EYA3: variants seen among roughly 807,000 people sequenced by gnomAD.
EYA3 encodes protein phosphatase EYA3.
EYA3 carries 39 observed loss-of-function variants against 80.0 expected under a neutral mutation model. The observed-to-expected ratio is 0.49, with a 90% CI of 0.38 to 0.64. EYA3 has a LOEUF of 0.64. Among genes scored for constraint, EYA3 ranks in the 30% least tolerant of loss-of-function variants. EYA3 has a pLI of 0.00. For synonymous variants in EYA3, 206 were observed against 232.8 expected, an observed-to-expected ratio of 0.88 and a Z score of 1.05; for missense variants, 523 against 676.1, an observed-to-expected ratio of 0.77 and a Z score of 2.51.
chr1:28,050,746 C>A (rs185881702), intron 2 of EYA3, among the ~76,000 whole-genome samples: 28 of 152,010 alleles, frequency 1.8e-4, no homozygotes, highest in African/African-American at 5.8e-4. Flanking sequence ...AATTATGCCC[C>A]CCTCTAAGGC....
Position 28,009,528 on chromosome 1 carries a change from T to C in EYA3, c.909+1419A>G, listed in dbSNP as rs576236761. On this transcript the variant is annotated intron_variant, in intron 10 of 17. Coordinates refer to ENST00000373871, the MANE Select transcript of EYA3 (RefSeq NM_001990.4). This position sits in a 1 kb window ranked among gnomAD's most constrained non-coding sequence, Gnocchi z 4.8. Reference sequence around the variant, plus strand: ...AGCCAGGCATGGTGGTGTGCACCTATAATCCCAGCTACTCTGGAGGCTGAG... The same window carrying C: ...AGCCAGGCATGGTGGTGTGCACCTACAATCCCAGCTACTCTGGAGGCTGAG... Among the ~76,000 whole-genome samples, 1 of 152,186 alleles carries C rather than the reference T, an allele frequency of 6.6e-6. No individual in the cohort carries two copies. The highest frequency in any genetic ancestry group is 2.1e-4 in the South Asian group (1 of 4,816).
chr1:28,065,940 C>A (rs1644821318), intron 1 of EYA3, among the ~76,000 whole-genome samples: 1 of 151,178 alleles, frequency 6.6e-6, no homozygotes, highest in African/African-American at 2.4e-5. Flanking sequence ...ACCCGGGAGG[C>A]GGAGGTTGCA....
At chr1:28,073,127 A>ATATATATTTTTTT (rs1553157671) in intron 1 of EYA3, among the ~76,000 whole-genome samples, 1 of 15,002 alleles carries the variant, frequency 6.7e-5, no homozygotes, top group Non-Finnish European at 1.1e-4. Context: ...ATATATATAT[A>ATATATATTTTTTT]TTTTTTTTTT....
Position 28,013,133 on chromosome 1 carries a change from AG to A in EYA3, c.746del (p.Pro249LeufsTer34). 6.2e-7 allele frequency: 1 copy of A among 1,613,440 alleles called. No homozygotes were observed. Among genetic ancestry groups the A allele is most frequent in the Non-Finnish European group, 8.5e-7 (1 of 1,179,838 alleles). ...SEKPSVMAPAPAAQRLSSGDP... is the reference protein window; with the variant it reads ...SEKPSVMAPAXAAQRLSSGDP... ...TACCAGAGGAAAGTCTCTGTGCTGC[AG>A]GTGCAGGCGCCATGACACTAGGCTT... On this transcript the variant is annotated frameshift_variant, in exon 9 of 18. Transcript: ENST00000373871. LOFTEE classifies it high-confidence loss of function. The surrounding 1 kb of genome is among the most constrained non-coding windows in gnomAD (Gnocchi z 4.0).
chr1:27,970,720 A>C lies in EYA3; in HGVS notation c.*3746T>G, dbSNP rs767000077. 7.2e-5 allele frequency: 11 copies of C among 152,192 alleles called. No individual in the cohort carries two copies. Among genetic ancestry groups the C allele is most frequent in the East Asian group, 1.9e-4 (1 of 5,200 alleles). The allele number at this position is 152,192 out of a possible 1,614,324, so 9.4% of individuals were successfully genotyped here. ...TCGGAATTCAGATCCTATAGTGTGA[A>C]TATCTGGGGAGTTCTAACTTCTGGA... is the stretch of plus-strand genomic sequence containing the variant. On this transcript the variant is annotated 3_prime_UTR_variant, in exon 18 of 18. Coordinates refer to ENST00000373871, the MANE Select transcript of EYA3 (RefSeq NM_001990.4).
intron 1 of EYA3, among the ~76,000 whole-genome samples, chr1:28,077,051 A>C (rs1211279281): frequency 6.8e-6 from 1 of 146,660 alleles, no homozygotes; most frequent in African/African-American, 2.5e-5. Flanking sequence ...TGTTTTTATA[A>C]TTTCTAATAT....
chr1:28,083,499 G>A (rs1356350918), intron 1 of EYA3, among the ~76,000 whole-genome samples: 1 of 151,456 alleles, frequency 6.6e-6, no homozygotes, highest in East Asian at 1.9e-4. Flanking sequence ...TAGCCTGGGC[G>A]ACAGGGCAAG....
At chr1:28,067,123 T>C (rs1369789487) in intron 1 of EYA3, among the ~76,000 whole-genome samples, 3 of 152,208 alleles carry the variant, frequency 2.0e-5, no homozygotes, top group African/African-American at 4.8e-5. Context: ...GGATAAAGTA[T>C]AAAAGAGGTC....
chr1:28,003,692 G>A (rs1265195999), intron 11 of EYA3, among the ~76,000 whole-genome samples: 1 of 152,090 alleles, frequency 6.6e-6, no homozygotes, highest in African/African-American at 2.4e-5. Context: ...ACAGGTGCAT[G>A]CCACTGCACC....
At chr1:28,046,114 T>C (rs1466986625) in intron 3 of EYA3, among the ~76,000 whole-genome samples, 1 of 152,150 alleles carries the variant, frequency 6.6e-6, no homozygotes, top group Non-Finnish European at 1.5e-5. Context: ...GAGTGGAGAA[T>C]ATTGTTTAGT....
intron 16 of EYA3, among the ~76,000 whole-genome samples, chr1:27,984,024 C>T (rs1209757842): frequency 6.6e-6 from 1 of 152,014 alleles, no homozygotes; most frequent in African/African-American, 2.4e-5. Context: ...AAAATGTGGG[C>T]TTGTCTTGTT....
At chr1:28,024,223 A>G (rs1286623978) in intron 7 of EYA3, among the ~76,000 whole-genome samples, 2 of 152,140 alleles carry the variant, frequency 1.3e-5, no homozygotes, top group African/African-American at 2.4e-5. Context: ...TGGGTGACAG[A>G]GCAAGACTCC....
chr1:27,985,328 C>T (rs540451800), intron 16 of EYA3, among the ~76,000 whole-genome samples: 4 of 152,228 alleles, frequency 2.6e-5, no homozygotes, highest in South Asian at 4.1e-4. Context: ...ATCCTTCTGC[C>T]TCAGCCTCTC....
intron 16 of EYA3, among the ~76,000 whole-genome samples, chr1:27,983,450 T>C (rs1319566856): frequency 6.6e-6 from 1 of 152,240 alleles, no homozygotes; most frequent in Non-Finnish European, 1.5e-5. Context: ...AGTTTTTGTC[T>C]ATCTGATGGT....
intron 2 of EYA3, among the ~76,000 whole-genome samples, chr1:28,054,829 C>T (rs1446457507): frequency 1.3e-5 from 2 of 152,048 alleles, no homozygotes; most frequent in African/African-American, 2.4e-5. Flanking sequence ...ACAGCCTGGG[C>T]GACAGGGTGA....
At chr1:28,068,493 C>A (rs1644911985) in intron 1 of EYA3, among the ~76,000 whole-genome samples, 1 of 151,438 alleles carries the variant, frequency 6.6e-6, no homozygotes, top group South Asian at 2.1e-4. Flanking sequence ...CTCAAAATTT[C>A]TTTTTCAATG....
At chr1:28,040,042 C>A (rs1643689360) in intron 4 of EYA3, among the ~76,000 whole-genome samples, 1 of 152,084 alleles carries the variant, frequency 6.6e-6, no homozygotes, top group Non-Finnish European at 1.5e-5. Flanking sequence ...AGACTGAGGC[C>A]AATTTTCACT....
chr1:28,046,140 G>A (rs1403395531), intron 3 of EYA3, among the ~76,000 whole-genome samples: 1 of 152,172 alleles, frequency 6.6e-6, no homozygotes, highest in Non-Finnish European at 1.5e-5. Flanking sequence ...TGGAATTTCA[G>A]TTTGGAAAGA....
chr1:28,059,715 ATTTTTTTT>A (rs1224157714), intron 1 of EYA3, among the ~76,000 whole-genome samples: 1 of 113,616 alleles, frequency 8.8e-6, no homozygotes, highest in Non-Finnish European at 1.8e-5. Flanking sequence ...CATTTGTTGG[ATTTTTTTT>A]TTTTTTTTTT....
Sources: gnomAD v4.1 joint callset for allele counts (sites outside exome capture counted in the v4.1 genomes callset) on GRCh38, gnomAD v4.1.1 for gene constraint, Gnocchi (gnomAD v3.1) non-coding constraint, MANE v1.5 for transcripts, NCBI Gene and HGNC (gene_info 2026-07-23, HGNC 2026-07-21) for gene names.